Variants in FARS2 observed in about 807,000 individuals in gnomAD.
The protein encoded by FARS2 is phenylalanine--tRNA ligase, mitochondrial.
A neutral mutation model predicts 46.4 loss-of-function variants in FARS2; 40 were observed. The observed-to-expected ratio is 0.86, with a 90% CI of 0.67 to 1.12. The LOEUF (loss-of-function observed/expected upper bound fraction) is 1.12, where lower values mean the gene tolerates loss of function less well. Among genes scored for constraint, FARS2 ranks in the 50% most tolerant of loss-of-function variants. FARS2 has a pLI of 0.00. For synonymous variants in FARS2, 234 were observed against 214.9 expected, an observed-to-expected ratio of 1.09 and a Z score of -0.78; for missense variants, 513 against 567.9, an observed-to-expected ratio of 0.90 and a Z score of 0.98.
At chr6:5,480,819 G>T (rs978897025) in intron 4 of FARS2, among the ~76,000 whole-genome samples, 8 of 152,090 alleles carry the variant, frequency 5.3e-5, no homozygotes, top group Non-Finnish European at 8.8e-5. Flanking sequence ...TTCCTCCTAG[G>T]TTTAACTGCA....
intron 4 of FARS2, among the ~76,000 whole-genome samples, chr6:5,514,092 A>ATATG (rs200582506): frequency 0.012 from 1,127 of 97,544 alleles, 13 homozygotes; most frequent in African/African-American, 0.042. Context: ...ATCTGGACAT[A>ATATG]TATATATATA....
At chr6:5,408,126 A>T (rs1200945767) in intron 3 of FARS2, among the ~76,000 whole-genome samples, 1 of 152,176 alleles carries the variant, frequency 6.6e-6, no homozygotes, top group Non-Finnish European at 1.5e-5. Context: ...GCATCACAAT[A>T]TTGAATAAGC....
intron 5 of FARS2, among the ~76,000 whole-genome samples, chr6:5,601,449 G>T (rs1436560439): frequency 6.8e-6 from 1 of 147,156 alleles, no homozygotes; most frequent in African/African-American, 2.5e-5. Flanking sequence ...ACTTGAACTT[G>T]GGAGGCAGAG....
At chr6:5,703,928 C>T (rs1429680243) in intron 6 of FARS2, among the ~76,000 whole-genome samples, 1 of 152,100 alleles carries the variant, frequency 6.6e-6, no homozygotes, top group South Asian at 2.1e-4. Flanking sequence ...TAAACTGTCC[C>T]GATCTAGCTG....
intron 5 of FARS2, among the ~76,000 whole-genome samples, chr6:5,599,621 C>A (rs549969115): frequency 1.8e-4 from 27 of 152,336 alleles, no homozygotes; most frequent in Non-Finnish European, 3.1e-4. Context: ...CTATACAATT[C>A]ACCCATTTAA....
At chr6:5,283,757 A>G (rs1183372349) in intron 1 of FARS2, among the ~76,000 whole-genome samples, 1 of 151,354 alleles carries the variant, frequency 6.6e-6, no homozygotes, top group Admixed American at 6.6e-5. Flanking sequence ...AGTATATCTC[A>G]CAGATACCCT....
intron 5 of FARS2, among the ~76,000 whole-genome samples, chr6:5,577,867 T>C (rs1773080271): frequency 6.6e-6 from 1 of 152,096 alleles, no homozygotes. Flanking sequence ...AGTGGTGCGA[T>C]CTCAGCACAC....
At chr6:5,328,370 T>C (rs1770545686) in intron 1 of FARS2, among the ~76,000 whole-genome samples, 1 of 152,344 alleles carries the variant, frequency 6.6e-6, no homozygotes, top group African/African-American at 2.4e-5. Flanking sequence ...GTTTTAAGCA[T>C]GAGTGATACA....
rs115084295 is a variant in FARS2, at chr6:5,712,742, C to T, written c.1218-58549C>T. On this transcript the variant is annotated intron_variant, in intron 6 of 6. Coordinates refer to ENST00000274680, the MANE Select transcript of FARS2 (RefSeq NM_006567.5). ...CCTCCCCACCTGTCCCAGTCCTTGC[C>T]GTCCTTGCTTTGTAATCCTGAACAG... is the stretch of plus-strand genomic sequence containing the variant. Among the ~76,000 whole-genome samples, 651 of 152,306 alleles carry T rather than the reference C, an allele frequency of 4.3e-3. 3 individuals are homozygous for T. The highest frequency in any genetic ancestry group is 0.015 in the African/African-American group (621 of 41,564).
rs188211756 is a variant in FARS2, at chr6:5,681,219, G to A, written c.1217+67899G>A. 2.6e-5 allele frequency among the ~76,000 whole-genome samples: 4 copies of A among 152,216 alleles called. No individual in the cohort carries two copies. In the East Asian group the frequency reaches 7.7e-4, roughly 29 times the overall value. Reference sequence around the variant, plus strand: ...GGAAGCAACCTGAATGTTACCTATTGAGAAACAAATACATTATAGTTTATT... The same window carrying A: ...GGAAGCAACCTGAATGTTACCTATTAAGAAACAAATACATTATAGTTTATT... On this transcript the variant is annotated intron_variant, in intron 6 of 6. Transcript: ENST00000274680.
At chr6:5,366,655 G>A (rs1161960558) in intron 1 of FARS2, among the ~76,000 whole-genome samples, 2 of 152,194 alleles carry the variant, frequency 1.3e-5, no homozygotes, top group Non-Finnish European at 2.9e-5. Flanking sequence ...GAACCCAAGT[G>A]TGGGTTTGGA....
intron 6 of FARS2, among the ~76,000 whole-genome samples, chr6:5,681,299 T>C (rs532501203): frequency 3.0e-3 from 453 of 152,254 alleles, no homozygotes; most frequent in Non-Finnish European, 5.4e-3. Context: ...AGAATAGCTG[T>C]GCACCTTTGA....
chr6:5,497,898 A>G (rs1161076600), intron 4 of FARS2, among the ~76,000 whole-genome samples: 2 of 152,226 alleles, frequency 1.3e-5, no homozygotes, highest in Non-Finnish European at 2.9e-5. Context: ...GTTTTACATT[A>G]TCATTCATTG....
At chr6:5,351,713 AT>A (rs546139989) in intron 1 of FARS2, among the ~76,000 whole-genome samples, 6 of 152,324 alleles carry the variant, frequency 3.9e-5, no homozygotes, top group Admixed American at 1.3e-4. Context: ...ACCTACGTAC[AT>A]ACAAAATAAA....
rs1312389834 is a variant in FARS2, at chr6:5,321,523, T to C, written c.-21-47027T>C. 3.9e-5 allele frequency among the ~76,000 whole-genome samples: 6 copies of C among 152,196 alleles called. No individual in the cohort carries two copies. In the East Asian group the frequency reaches 5.8e-4, roughly 15 times the overall value. On this transcript the variant is annotated intron_variant, in intron 1 of 6. Coordinates refer to ENST00000274680, the MANE Select transcript of FARS2 (RefSeq NM_006567.5). Reference sequence around the variant, plus strand: ...ATAATTTGAGTGTGGCCTCTGTGCCTTGTAGGAGACAAGGTTAGGACTGTG... The same window carrying C: ...ATAATTTGAGTGTGGCCTCTGTGCCCTGTAGGAGACAAGGTTAGGACTGTG...
At chr6:5,492,298 C>T (rs1421779540) in intron 4 of FARS2, among the ~76,000 whole-genome samples, 1 of 152,280 alleles carries the variant, frequency 6.6e-6, no homozygotes, top group African/African-American at 2.4e-5. Context: ...TATTACAAAA[C>T]AGCCTTACAG....
At position 5,625,719 on chromosome 6, in the gene FARS2, G is replaced by T. The variant is rs374205436; in HGVS notation, c.1217+12399G>T. Among the ~76,000 whole-genome samples, 96 of 152,290 alleles carry T rather than the reference G, an allele frequency of 6.3e-4. 2 individuals are homozygous for T. In the South Asian group the frequency reaches 0.02, roughly 31 times the overall value. On this transcript the variant is annotated intron_variant, in intron 6 of 6. Coordinates refer to ENST00000274680, the MANE Select transcript of FARS2 (RefSeq NM_006567.5). The stretch of plus-strand genomic sequence containing the variant: ...TTGGCAGAGTGGAGTCCTAGGTAAG[G>T]CCCAGTTACAGAGGAATGTGGAGGC...
At position 5,282,398 on chromosome 6, in the gene FARS2, C is replaced by T. The variant is rs545286563; in HGVS notation, c.-22+20738C>T. The stretch of plus-strand genomic sequence containing the variant: ...GGGGAGGGAGCATTCACATCCCAGG[C>T]GGACACCAGGGGAAGCGCCTGAGGT... On this transcript the variant is annotated intron_variant, in intron 1 of 6. Transcript: ENST00000274680. Among the ~76,000 whole-genome samples the T allele has an allele frequency of 1.3e-4, 20 of 152,214 alleles. No homozygotes were observed. The East Asian group carries it at 2.3e-3, about 18-fold the overall frequency.
At chr6:5,542,399 C>G (rs1278586847) in intron 4 of FARS2, among the ~76,000 whole-genome samples, 1 of 152,184 alleles carries the variant, frequency 6.6e-6, no homozygotes, top group Non-Finnish European at 1.5e-5. Flanking sequence ...ACTTCCAGTG[C>G]ACATGTTTCC....
Sources: allele counts gnomAD v4.1 joint callset (sites outside exome capture counted in the v4.1 genomes callset), GRCh38; gene constraint gnomAD v4.1.1; transcripts MANE v1.5; gene names NCBI Gene and HGNC (gene_info 2026-07-23, HGNC 2026-07-21).